The following DZIP1 variants were observed in gnomAD, a reference collection of about 807,000 sequenced individuals.
The protein encoded by DZIP1 is cilium assembly protein DZIP1.
A neutral mutation model predicts 107.6 loss-of-function variants in DZIP1; 97 were observed. The ratio of observed to expected loss-of-function variants is 0.90; its 90% confidence interval spans 0.77 to 1.07. The LOEUF (loss-of-function observed/expected upper bound fraction) is 1.07, where lower values mean the gene tolerates loss of function less well. Ranked by LOEUF, DZIP1 falls within the 50% of genes least tolerant of loss-of-function variation. The pLI is 0.00. For missense variants in DZIP1, 1,035 were observed against 1,063.6 expected (o/e 0.97, Z 0.37); for synonymous variants, 390 against 386.4 (o/e 1.01, Z -0.11).
intron 10 of DZIP1, among the ~76,000 whole-genome samples, chr13:95,619,021 C>T (rs1299194669): frequency 1.3e-5 from 2 of 152,228 alleles, no homozygotes; most frequent in South Asian, 2.1e-4. Flanking sequence ...TTCATTAAAG[C>T]GATTTTAATG....
At chr13:95,596,266 T>G (rs1348506393) in intron 15 of DZIP1, among the ~76,000 whole-genome samples, 1 of 152,120 alleles carries the variant, frequency 6.6e-6, no homozygotes, top group Non-Finnish European at 1.5e-5. Flanking sequence ...TTCTAAAGAC[T>G]AGCATTTCCT....
Position 95,590,201 on chromosome 13 carries a change from T to C in DZIP1, c.1843+78A>G, listed in dbSNP as rs1216565220. 4 of 1,321,546 alleles carry C rather than the reference T, an allele frequency of 3.0e-6. No homozygotes were observed. In the East Asian group the frequency reaches 9.4e-5, roughly 31 times the overall value. 81.9% of individuals were successfully genotyped at this position (1,321,546 alleles called of 1,614,324 possible). ...AAAATTATAATAATTTGTTTAATGA[T>C]ATCTTGTGGTGAAAAAAGAAGAAAA... On this transcript the variant is annotated intron_variant, in intron 17 of 22. Coordinates refer to ENST00000376829, the MANE Select transcript of DZIP1 (RefSeq NM_198968.4).
In DZIP1 at chr13:95,642,143, A is replaced by C; in HGVS notation, c.-114T>G. ...CTCGCTTCCGCGGCGGCGGCGGCCT[A>C]AGGTCTGGGCGTCCAGGACGTTGCT... On this transcript the variant is annotated 5_prime_UTR_variant, in exon 4 of 23. Transcript: ENST00000376829. 5 of 1,357,208 alleles carry C rather than the reference A, an allele frequency of 3.7e-6. No individual in the cohort carries two copies. The highest frequency in any genetic ancestry group is 4.8e-6 in the Non-Finnish European group (5 of 1,039,778). 84.1% of individuals were successfully genotyped at this position (1,357,208 alleles called of 1,614,324 possible).
chr13:95,610,111 T>TGAGAGAGAGA (rs1555308785), intron 12 of DZIP1, among the ~76,000 whole-genome samples: 5,350 of 126,442 alleles, frequency 0.042, 358 homozygotes, highest in African/African-American at 0.05. Flanking sequence ...TGTGTGTGTG[T>TGAGAGAGAGA]GAGAGAGAGA....
intron 5 of DZIP1, among the ~76,000 whole-genome samples, chr13:95,633,758 T>C (rs992267279): frequency 4.7e-5 from 7 of 150,386 alleles, no homozygotes; most frequent in African/African-American, 1.7e-4. Context: ...GATACCATCC[T>C]AGCAAGAGAT....
At chr13:95,615,890 A>C (rs1290410339) in intron 10 of DZIP1, among the ~76,000 whole-genome samples, 1 of 152,246 alleles carries the variant, frequency 6.6e-6, no homozygotes, top group Admixed American at 6.5e-5. Flanking sequence ...GCTTAAGTAT[A>C]TGGCAACTAC....
At chr13:95,609,404 G>C (rs188423690) in intron 13 of DZIP1, 53 bp downstream of exon 13, 2 of 1,250,430 alleles carry the variant, frequency 1.6e-6, no homozygotes, top group Admixed American at 6.0e-5. Context: ...TTATGTTTTG[G>C]TTTAGCATTT....
At chr13:95,610,111 T>TGTGAGA (rs368276400) in intron 12 of DZIP1, among the ~76,000 whole-genome samples, 162 of 126,744 alleles carry the variant, frequency 1.3e-3, no homozygotes, top group Non-Finnish European at 2.1e-3. Context: ...TGTGTGTGTG[T>TGTGAGA]GAGAGAGAGA....
intron 5 of DZIP1, among the ~76,000 whole-genome samples, chr13:95,640,551 T>C (rs1163473596): frequency 2.0e-5 from 3 of 152,188 alleles, no homozygotes; most frequent in Non-Finnish European, 4.4e-5. Flanking sequence ...CCTTCTGCAC[T>C]TCCTCCAACT....
chr13:95,616,034 G>C (rs1243077607), intron 10 of DZIP1, among the ~76,000 whole-genome samples: 1 of 152,170 alleles, frequency 6.6e-6, no homozygotes, highest in Non-Finnish European at 1.5e-5. Context: ...AGGACACCAG[G>C]ACATGAACTG....
intron 5 of DZIP1, among the ~76,000 whole-genome samples, chr13:95,634,828 ATTAAT>A (rs1347952833): frequency 2.0e-5 from 3 of 152,186 alleles, no homozygotes; most frequent in Non-Finnish European, 4.4e-5. Flanking sequence ...TTTAATTTTT[ATTAAT>A]TTGATTATTT....
chr13:95,594,732 A>G (rs1399771208), intron 15 of DZIP1, among the ~76,000 whole-genome samples: 2 of 152,210 alleles, frequency 1.3e-5, no homozygotes, highest in Non-Finnish European at 1.5e-5. Flanking sequence ...TATCCCCTTC[A>G]AAATATTTAC....
intron 10 of DZIP1, among the ~76,000 whole-genome samples, chr13:95,619,216 G>A (rs1459557391): frequency 6.6e-6 from 1 of 152,206 alleles, no homozygotes. Context: ...AAAGGTCTAT[G>A]ATATATAAAG....
At chr13:95,609,643 G>T (rs1189582206) in intron 12 of DZIP1, 130 bp from the exon 13 acceptor site, 4 of 487,020 alleles carry the variant, frequency 8.2e-6, no homozygotes, top group Non-Finnish European at 1.4e-5. Flanking sequence ...CACATCACCA[G>T]GAGAATAAAT....
intron 21 of DZIP1, 150 bp from the exon 22 acceptor site, chr13:95,585,060 G>A (rs1594638189): frequency 3.5e-6 from 2 of 574,016 alleles, no homozygotes; most frequent in East Asian, 3.0e-5. Context: ...CATTTCTGCA[G>A]GGCAATGAAA....
At chr13:95,609,864 C>G (rs2044922340) in intron 12 of DZIP1, among the ~76,000 whole-genome samples, 1 of 152,136 alleles carries the variant, frequency 6.6e-6, no homozygotes, top group African/African-American at 2.4e-5. Flanking sequence ...CCCAGTACCA[C>G]CCCTAGTTGG....
chr13:95,636,618 G>T (rs1376303592), intron 5 of DZIP1, among the ~76,000 whole-genome samples: 1 of 151,222 alleles, frequency 6.6e-6, no homozygotes, highest in African/African-American at 2.4e-5. Flanking sequence ...AAACTGAATT[G>T]CTCACTAAAG....
chr13:95,618,805 AT>A (rs1318950620), intron 10 of DZIP1, among the ~76,000 whole-genome samples: 2 of 152,234 alleles, frequency 1.3e-5, no homozygotes, highest in Non-Finnish European at 2.9e-5. Context: ...AAGAGGAAAC[AT>A]TTTTTCCATT....
rs750389191 is a variant in DZIP1, at chr13:95,633,288, C to A, written c.631G>T (p.Ala211Ser). 3.7e-5 allele frequency: 59 copies of A among 1,614,134 alleles called. No homozygotes were observed. The Middle Eastern group carries it at 1.3e-3, about 36-fold the overall frequency. ...CGTTGAATGTGACTTTGTAGAAAAG[C>A]TTGGTTCATAAAGGCCTTGTCACAA... ...HFCDKAFMNQ[A>S]FLQSHIQRRH... Residue 211 changes from alanine to serine, a missense_variant, in exon 6 of 23, where the codon GCT becomes TCT. Ala to Ser is a moderately conservative substitution (Grantham distance 99). Transcript: ENST00000376829.
Sources: allele counts gnomAD v4.1 joint callset (sites outside exome capture counted in the v4.1 genomes callset), GRCh38; gene constraint gnomAD v4.1.1; transcripts MANE v1.5; gene names NCBI Gene and HGNC (gene_info 2026-07-23, HGNC 2026-07-21).